DCC: variants seen among roughly 807,000 people sequenced by gnomAD.
DCC encodes the protein netrin receptor DCC.
In DCC, 58 loss-of-function variants were observed where a neutral mutation model predicts 172.5. The ratio of observed to expected loss-of-function variants is 0.34; its 90% CI spans 0.27 to 0.42. The LOEUF (loss-of-function observed/expected upper bound fraction) is 0.42, where lower values mean the gene tolerates loss of function less well. Ranked by LOEUF, DCC falls within the 10% of genes least tolerant of loss-of-function variation. The pLI, the probability that DCC is intolerant of heterozygous loss-of-function variation, is 1.00. For missense variants in DCC, 1,740 were observed against 1,791.0 expected (o/e 0.97, Z 0.51); for synonymous variants, 709 against 644.5 (o/e 1.10, Z -1.52).
At chr18:52,890,266 A>G (rs559397559) in intron 2 of DCC, among the ~76,000 whole-genome samples, 23 of 152,270 alleles carry the variant, frequency 1.5e-4, no homozygotes, top group African/African-American at 5.3e-4. Context: ...CTTAACCCTT[A>G]TGAGTTGGGA....
intron 5 of DCC, among the ~76,000 whole-genome samples, chr18:53,047,434 T>C (rs2042265648): frequency 1.3e-5 from 1 of 79,060 alleles, no homozygotes; most frequent in African/African-American, 7.9e-5. Flanking sequence ...TTTACATATA[T>C]ATATATATAT....
chr18:52,662,549 G>C (rs1327158671), intron 1 of DCC, among the ~76,000 whole-genome samples: 1 of 83,176 alleles, frequency 1.2e-5, no homozygotes, highest in Non-Finnish European at 2.3e-5. Context: ...AGAAAGGAAG[G>C]AAAGGGAGGG....
chr18:52,617,831 T>C (rs1417189481), intron 1 of DCC, among the ~76,000 whole-genome samples: 2 of 152,190 alleles, frequency 1.3e-5, no homozygotes, highest in African/African-American at 4.8e-5. Context: ...TTTTGCTTAC[T>C]ATTTGAGGCA....
chr18:53,523,872 T>C (rs1337582874), intron 27 of DCC, among the ~76,000 whole-genome samples: 1 of 152,046 alleles, frequency 6.6e-6, no homozygotes, highest in Non-Finnish European at 1.5e-5. Context: ...CTGTACATTC[T>C]GCACATGTAC....
chr18:53,026,960 A>G (rs886886244), intron 5 of DCC, among the ~76,000 whole-genome samples: 1 of 152,096 alleles, frequency 6.6e-6, no homozygotes, highest in African/African-American at 2.4e-5. Flanking sequence ...CTTTGAAAGA[A>G]TTTGTCTCAT....
chr18:52,576,315 C>T (rs2033410240), intron 1 of DCC, among the ~76,000 whole-genome samples: 2 of 152,142 alleles, frequency 1.3e-5, no homozygotes, highest in Admixed American at 1.3e-4. Flanking sequence ...TAGCAATTTC[C>T]GTAGCCCTGC....
chr18:53,431,020 T>G (rs529955957), intron 21 of DCC, among the ~76,000 whole-genome samples: 1 of 152,220 alleles, frequency 6.6e-6, no homozygotes, highest in South Asian at 2.1e-4. Context: ...TATGACATTT[T>G]AAAAATTCAA....
At chr18:53,431,005 G>C (rs1422247171) in intron 21 of DCC, among the ~76,000 whole-genome samples, 2 of 152,020 alleles carry the variant, frequency 1.3e-5, no homozygotes, top group African/African-American at 4.8e-5. Flanking sequence ...CCCCTTAAAC[G>C]ACTTTATGAC....
chr18:53,092,977 T>TAA (rs35751804), intron 7 of DCC, among the ~76,000 whole-genome samples: 12 of 151,772 alleles, frequency 7.9e-5, no homozygotes, highest in African/African-American at 1.7e-4. Context: ...CATTACTATT[T>TAA]AAAAAAAAGT....
chr18:52,988,443 G>C (rs1262660464), intron 5 of DCC, among the ~76,000 whole-genome samples: 1 of 152,036 alleles, frequency 6.6e-6, no homozygotes, highest in Non-Finnish European at 1.5e-5. Context: ...TCATTTCAAA[G>C]AGAGATGCTC....
chr18:52,670,596 T>C (rs1246592695), intron 1 of DCC, among the ~76,000 whole-genome samples: 1 of 152,170 alleles, frequency 6.6e-6, no homozygotes, highest in African/African-American at 2.4e-5. Flanking sequence ...TCCCAGCACT[T>C]TGGGAGGCCA....
intron 2 of DCC, among the ~76,000 whole-genome samples, chr18:52,815,417 C>CGT (rs1342002043): frequency 8.8e-6 from 1 of 113,142 alleles, no homozygotes; most frequent in Non-Finnish European, 2.2e-5. Flanking sequence ...CACGTACACA[C>CGT]ACACACACAC....
intron 2 of DCC, among the ~76,000 whole-genome samples, chr18:52,818,662 C>T (rs572333799): frequency 2.0e-5 from 3 of 152,152 alleles, no homozygotes; most frequent in African/African-American, 7.2e-5. Flanking sequence ...GGTCACCAAA[C>T]GTTTTATTTA....
chr18:53,185,981 A>C (rs1350534996), intron 9 of DCC, among the ~76,000 whole-genome samples: 1 of 152,234 alleles, frequency 6.6e-6, no homozygotes, highest in Non-Finnish European at 1.5e-5. Context: ...AAAATACATA[A>C]GCATCTTCCG....
chr18:52,999,057 A>G (rs945787808), intron 5 of DCC, among the ~76,000 whole-genome samples: 9 of 152,120 alleles, frequency 5.9e-5, no homozygotes, highest in Admixed American at 5.9e-4. Context: ...CTATGGACAC[A>G]GTGAGTATTC....
intron 5 of DCC, among the ~76,000 whole-genome samples, chr18:52,944,973 G>C (rs1397510642): frequency 1.3e-5 from 2 of 151,990 alleles, no homozygotes; most frequent in Non-Finnish European, 2.9e-5. Flanking sequence ...ATCTTTCTTG[G>C]GGGCATTTGA....
chr18:52,900,948 A>G (rs943094253), intron 2 of DCC, among the ~76,000 whole-genome samples: 4 of 152,212 alleles, frequency 2.6e-5, no homozygotes, highest in African/African-American at 9.6e-5. Flanking sequence ...AAATTTGTCT[A>G]TAGGAATTCA....
chr18:53,138,061 C>A (rs541307663), intron 7 of DCC, among the ~76,000 whole-genome samples: 25 of 152,082 alleles, frequency 1.6e-4, no homozygotes, highest in African/African-American at 5.8e-4. Flanking sequence ...CTCCTGGGCT[C>A]AAGTGATCAG....
intron 3 of DCC, among the ~76,000 whole-genome samples, chr18:52,919,836 C>T (rs911641107): frequency 1.3e-5 from 2 of 151,876 alleles, no homozygotes; most frequent in Non-Finnish European, 2.9e-5. Flanking sequence ...TCAAGACTTA[C>T]TATAAAGTTA....
Sources: allele counts gnomAD v4.1 joint callset (sites outside exome capture counted in the v4.1 genomes callset), GRCh38; gene constraint gnomAD v4.1.1; transcripts MANE v1.5; gene names NCBI Gene and HGNC (gene_info 2026-07-23, HGNC 2026-07-21).